Variants in INO80D observed in about 807,000 individuals in gnomAD.
INO80D encodes INO80 complex subunit D.
Under a neutral mutation model 87.6 loss-of-function variants are expected in INO80D, and 21 were observed. The ratio of observed to expected loss-of-function variants is 0.24; its 90% confidence interval spans 0.17 to 0.35. INO80D has a LOEUF of 0.35. Ranked by LOEUF, INO80D falls within the 10% of genes least tolerant of loss-of-function variation. INO80D has a pLI of 1.00. For synonymous variants in INO80D, 440 were observed against 491.0 expected (o/e 0.90, Z 1.37); for missense variants, 982 against 1,280.7 (o/e 0.77, Z 3.56).
chr2:206,050,480 G>T (rs1689323362), intron 4 of INO80D, among the ~76,000 whole-genome samples: 1 of 117,666 alleles, frequency 8.5e-6, no homozygotes, highest in African/African-American at 3.3e-5. Context: ...TGACAGAGCA[G>T]GACTCCGTCT....
rs914132146 is a variant in INO80D, at chr2:206,062,968, A to G, written c.49T>C (p.Leu17=). Residue 17 remains leucine (L), a synonymous_variant, in exon 3 of 11, where the codon TTG becomes CTG. Coordinates refer to ENST00000403263, the MANE Select transcript of INO80D (RefSeq NM_017759.5). The surrounding 1 kb of genome is among the most constrained non-coding windows in gnomAD (Gnocchi z 4.6). ...IHFSEVDNKP[L]CSYSPKLCKQ... is the part of the protein sequence containing the mutation. ...CACAGTTTGGGGCTATATGAGCACAAGGGCTTATTGTCAACCTCAGAGAAG... is the reference window on the plus strand; with the variant it reads ...CACAGTTTGGGGCTATATGAGCACAGGGGCTTATTGTCAACCTCAGAGAAG... The G allele has an allele frequency of 1.2e-6, 2 of 1,613,214 alleles. No homozygotes were observed. The highest frequency in any genetic ancestry group is 1.1e-5 in the South Asian group (1 of 90,990).
Position 206,063,180 on chromosome 2 carries a change from T to C in INO80D, c.-59A>G. 3 of 627,594 alleles carry C rather than the reference T, an allele frequency of 4.8e-6. No individual in the cohort carries two copies. In the South Asian group the frequency reaches 5.9e-5, roughly 12 times the overall value. 38.9% of individuals were successfully genotyped at this position (627,594 alleles called of 1,614,324 possible). A position where few individuals can be genotyped will look rare whatever the true frequency, so the allele number is the denominator to read the frequency against. On this transcript the variant is annotated 5_prime_UTR_variant, in exon 2 of 11. Coordinates refer to ENST00000403263, the MANE Select transcript of INO80D (RefSeq NM_017759.5). ...TTTTAAATCTTCTGCACCATAGCAA[T>C]GTTAAGAGAACCCCCAAGGATACCA... is the stretch of plus-strand genomic sequence containing the variant.
At position 206,085,933 on chromosome 2, in the gene INO80D, CT is replaced by C. The variant is rs907580965; in HGVS notation, c.-157del. The stretch of plus-strand genomic sequence containing the variant: ...CTGCTTTTTTTTTTCTCCTTCCCCC[CT>C]GTTCCCTCGGCTGGGCTGACAGATC... On this transcript the variant is annotated 5_prime_UTR_variant, in exon 1 of 11. Transcript: ENST00000403263. The surrounding 1 kb of genome is among the most constrained non-coding windows in gnomAD (Gnocchi z 4.5). 1.4e-4 allele frequency: 22 copies of C among 152,656 alleles called. No homozygotes were observed. The highest frequency in any genetic ancestry group is 5.1e-4 in the African/African-American group (21 of 41,428). The allele number at this position is 152,656 out of a possible 1,614,324, so 9.5% of individuals were successfully genotyped here.
intron 1 of INO80D, among the ~76,000 whole-genome samples, chr2:206,080,304 G>A (rs12465309): frequency 0.053 from 8,064 of 152,118 alleles, 265 homozygotes; most frequent in African/African-American, 0.086. Flanking sequence ...CAACACTACC[G>A]TCCACGGGGA....
At chr2:206,046,402 T>G (rs1379147447) in intron 5 of INO80D, 102 bp downstream of exon 5, 1 of 761,020 alleles carries the variant, frequency 1.3e-6, no homozygotes, top group Non-Finnish European at 2.2e-6. Context: ...TAGTCAGGCT[T>G]GGTGGCAGTA....
chr2:206,010,253 C>T (rs1435678059), intron 8 of INO80D, among the ~76,000 whole-genome samples: 1 of 150,856 alleles, frequency 6.6e-6, no homozygotes, highest in Admixed American at 6.6e-5. Flanking sequence ...ACTGAAGAAC[C>T]GACCACAATT....
chr2:206,001,830 C>T lies in INO80D; in HGVS notation c.*2538G>A, dbSNP rs901685581. 6.6e-6 allele frequency: 1 copy of T among 152,152 alleles called. No individual in the cohort carries two copies. The highest frequency in any genetic ancestry group is 1.5e-5 in the Non-Finnish European group (1 of 68,024). 9.4% of individuals were successfully genotyped at this position (152,152 alleles called of 1,614,324 possible). On this transcript the variant is annotated 3_prime_UTR_variant, in exon 11 of 11. Transcript: ENST00000403263. ...TCAGCTTTCATCATGGGCATCCAAA[C>T]GAAAATGTATTTACTCAAAGTTTTT...
chr2:206,027,515 A>G (rs1240922094), intron 6 of INO80D, among the ~76,000 whole-genome samples: 1 of 152,134 alleles, frequency 6.6e-6, no homozygotes, highest in Non-Finnish European at 1.5e-5. Context: ...CTTGGGCAAT[A>G]CAGCGAGACC....
rs1396682251 is a variant in INO80D at position 205,994,357 on chromosome 2, C to A, written c.*10011G>T. 1 of 152,148 alleles carries A rather than the reference C, an allele frequency of 6.6e-6. No homozygotes were observed. The allele number at this position is 152,148 out of a possible 1,614,324, so 9.4% of individuals were successfully genotyped here. A position where few individuals can be genotyped will look rare whatever the true frequency, so the allele number is the denominator to read the frequency against. ...GAATGAGAACACTGAAAAAGAAGGG[C>A]TTTGAGAACCGCTAGTCCTTGCTAC... is the stretch of plus-strand genomic sequence containing the variant. On this transcript the variant is annotated 3_prime_UTR_variant, in exon 11 of 11. Transcript: ENST00000403263.
At position 206,005,158 on chromosome 2, in the gene INO80D, G is replaced by A. The variant is rs374385058; in HGVS notation, c.2294C>T (p.Thr765Ile). The A allele has an allele frequency of 1.9e-6, 3 of 1,614,030 alleles. No homozygotes were observed. Among genetic ancestry groups the A allele is most frequent in the Middle Eastern group, 1.6e-4 (1 of 6,062 alleles). ...QFSAPANVGLTSATLISQSAL... is the reference protein window; with the variant it reads ...QFSAPANVGLISATLISQSAL... ...ACTCTGGCTGATCAGAGTGGCAGAA[G>A]TAAGGCCAACGTTGGCTGGGGCAGA... Residue 765 changes from threonine (T) to isoleucine (I), a missense_variant, in exon 11 of 11, where the codon ACT (threonine) becomes ATT (isoleucine). Physicochemically the swap from Thr to Ile is moderately conservative, Grantham distance 89. Coordinates refer to ENST00000403263, the MANE Select transcript of INO80D (RefSeq NM_017759.5).
rs200441412 is a variant in INO80D, at chr2:206,005,089, T to A, written c.2363A>T (p.His788Leu). The change falls in exon 11 of 11, where the codon CAT becomes CTT. Residue 788 changes from histidine (H) to leucine (L), a missense_variant. Physicochemically the swap from His to Leu is moderately conservative, Grantham distance 99 (BLOSUM62 -3). Transcript: ENST00000403263. ...CCTCTGGGAGGCATGGCTGCCGTCA[T>A]GAAGTCCATGAAACTGTCCTGGGAA... is the stretch of plus-strand genomic sequence containing the variant. The part of the protein sequence containing the change: ...RAFPGQFHGL[H>L]DGSHASQRPH... 1.2e-6 allele frequency: 2 copies of A among 1,613,950 alleles called. No individual in the cohort carries two copies. Among genetic ancestry groups the A allele is most frequent in the Middle Eastern group, 1.6e-4 (1 of 6,062 alleles).
chr2:206,045,223 A>T (rs1689164038), intron 5 of INO80D, among the ~76,000 whole-genome samples: 1 of 152,164 alleles, frequency 6.6e-6, no homozygotes, highest in Non-Finnish European at 1.5e-5. Context: ...TTTAGTGACC[A>T]TTTGTACTAT....
At chr2:206,059,652 C>T (rs545668428) in intron 3 of INO80D, among the ~76,000 whole-genome samples, 83 of 152,240 alleles carry the variant, frequency 5.5e-4, no homozygotes, top group African/African-American at 1.4e-3. Context: ...CACTCTTTAA[C>T]GTAGGCCTCT....
At chr2:206,050,347 C>A (rs1689317935) in intron 4 of INO80D, among the ~76,000 whole-genome samples, 1 of 151,386 alleles carries the variant, frequency 6.6e-6, no homozygotes, top group Non-Finnish European at 1.5e-5. Flanking sequence ...AAAAAATTAG[C>A]TGGATGTGGT....
chr2:206,011,821 C>T (rs1688184370), intron 8 of INO80D, among the ~76,000 whole-genome samples: 1 of 152,140 alleles, frequency 6.6e-6, no homozygotes, highest in South Asian at 2.1e-4. Context: ...GGTTTACATT[C>T]TAGTAGGAGA....
At position 206,062,919 on chromosome 2, in the gene INO80D, T is replaced by C. The variant is rs375430554; in HGVS notation, c.98A>G (p.Tyr33Cys). Reference protein sequence around the residue: ...KLCKQRRLNGYAFCIRHVLED... With the variant: ...KLCKQRRLNGCAFCIRHVLED... Reference sequence around the variant, plus strand: ...CAGAACGTGTCTGATACAGAAGGCGTAGCCGTTGAGTCGCCTCTGCTTGCA... The same window carrying C: ...CAGAACGTGTCTGATACAGAAGGCGCAGCCGTTGAGTCGCCTCTGCTTGCA... Residue 33 changes from tyrosine to cysteine, a missense_variant, in exon 3 of 11, where the codon TAC becomes TGC. Transcript: ENST00000403263. The surrounding 1 kb of genome is among the most constrained non-coding windows in gnomAD (Gnocchi z 4.6). 1.9e-6 allele frequency: 3 copies of C among 1,613,434 alleles called. No individual in the cohort carries two copies. The highest frequency in any genetic ancestry group is 1.7e-6 in the Non-Finnish European group (2 of 1,179,784).
At chr2:206,034,218 G>A (rs1688838601) in intron 5 of INO80D, among the ~76,000 whole-genome samples, 2 of 152,070 alleles carry the variant, frequency 1.3e-5, no homozygotes, top group Non-Finnish European at 2.9e-5. Flanking sequence ...ACAAGATAGA[G>A]AAAGAAGGAA....
chr2:206,006,109 C>T (rs1016114073), intron 10 of INO80D, among the ~76,000 whole-genome samples: 1 of 152,196 alleles, frequency 6.6e-6, no homozygotes, highest in Non-Finnish European at 1.5e-5. Flanking sequence ...CCTTTCCCCT[C>T]ATCCTCTTCC....
intron 5 of INO80D, 50 bp downstream of exon 5, chr2:206,046,454 C>T (rs756141087): frequency 2.0e-5 from 25 of 1,237,836 alleles, no homozygotes; most frequent in South Asian, 6.1e-5. Context: ...GGTGACAGAG[C>T]GAGACTCCGT....
Sources: allele counts gnomAD v4.1 joint callset (sites outside exome capture counted in the v4.1 genomes callset), GRCh38; gene constraint gnomAD v4.1.1; non-coding constraint Gnocchi (gnomAD v3.1); transcripts MANE v1.5; gene names NCBI Gene and HGNC (gene_info 2026-07-23, HGNC 2026-07-21).